Variants in ZNF700 observed in about 807,000 individuals in gnomAD.
ZNF700 encodes zinc finger protein 700.
Under a neutral mutation model 65.3 loss-of-function variants are expected in ZNF700, and 38 were observed. That is an observed-to-expected ratio of 0.58 (90% CI 0.45 to 0.76). The LOEUF (loss-of-function observed/expected upper bound fraction) is 0.76, where lower values mean the gene tolerates loss of function less well. Among genes scored for constraint, ZNF700 ranks in the 30% least tolerant of loss-of-function variants. The pLI, the probability that ZNF700 is intolerant of heterozygous loss-of-function variation, is 0.00. For synonymous variants in ZNF700, 285 were observed against 290.4 expected, an observed-to-expected ratio of 0.98 and a Z score of 0.19; for missense variants, 857 against 888.4, an observed-to-expected ratio of 0.96 and a Z score of 0.45.
chr19:11,944,469 A>G (rs141350851), intron 1 of ZNF700, among the ~76,000 whole-genome samples: 3,238 of 152,176 alleles, frequency 0.021, 61 homozygotes, highest in Middle Eastern at 0.044. Flanking sequence ...GTGATCCCCA[A>G]TACCTTTGCT....
intron 1 of ZNF700, among the ~76,000 whole-genome samples, chr19:11,937,301 A>G (rs951522941): frequency 6.6e-6 from 1 of 152,092 alleles, no homozygotes; most frequent in Non-Finnish European, 1.5e-5. Context: ...TTGCTAATCC[A>G]GGTGTTTCAG....
At chr19:11,927,376 A>C (rs1021438447) in intron 1 of ZNF700, among the ~76,000 whole-genome samples, 1 of 151,908 alleles carries the variant, frequency 6.6e-6, no homozygotes, top group African/African-American at 2.4e-5. Flanking sequence ...CAAACAGGAA[A>C]GAGGTCAAGA....
intron 1 of ZNF700, among the ~76,000 whole-genome samples, chr19:11,945,902 T>A (rs1352338875): frequency 6.6e-6 from 1 of 152,056 alleles, no homozygotes; most frequent in Non-Finnish European, 1.5e-5. Flanking sequence ...ATAGTACAAG[T>A]GCAGGGCAAG....
At position 11,949,391 on chromosome 19, in the gene ZNF700, G is replaced by T; in HGVS notation, c.1367G>T (p.Arg456Ile). 1 of 1,613,908 alleles carries T rather than the reference G, an allele frequency of 6.2e-7. No individual in the cohort carries two copies. The highest frequency in any genetic ancestry group is 1.7e-5 in the Admixed American group (1 of 59,982). Residue 456 changes from arginine to isoleucine, a missense_variant, in exon 4 of 4, where the codon AGA (arginine) becomes ATA (isoleucine). Around this residue, in one of 3 missense-constraint regions of ZNF700, gnomAD observed 603 missense variants for 619.9 expected, o/e 0.97. Coordinates refer to ENST00000254321, the MANE Select transcript of ZNF700 (RefSeq NM_144566.3). ...TGTAAGGAATGTGGGAAAGCCTTCAGATCTACCTCACACCTTCGAGTGCAT... is the reference window on the plus strand; with the variant it reads ...TGTAAGGAATGTGGGAAAGCCTTCATATCTACCTCACACCTTCGAGTGCAT... ...YECKECGKAF[R>I]STSHLRVHGR...
intron 1 of ZNF700, among the ~76,000 whole-genome samples, chr19:11,937,796 T>C (rs1458377170): frequency 1.3e-5 from 2 of 152,086 alleles, no homozygotes; most frequent in African/African-American, 2.4e-5. Flanking sequence ...CCTATAGATT[T>C]TTCTACGTTC....
At chr19:11,929,011 C>T (rs1031124736) in intron 1 of ZNF700, among the ~76,000 whole-genome samples, 4 of 148,042 alleles carry the variant, frequency 2.7e-5, no homozygotes, top group South Asian at 4.2e-4. Flanking sequence ...TTTTACAAAA[C>T]GCTATAGGTA....
At chr19:11,938,358 A>T (rs1340104483) in intron 1 of ZNF700, among the ~76,000 whole-genome samples, 1 of 152,088 alleles carries the variant, frequency 6.6e-6, no homozygotes, top group Non-Finnish European at 1.5e-5. Flanking sequence ...TACATTAGGT[A>T]TATCTCCTTA....
intron 1 of ZNF700, among the ~76,000 whole-genome samples, chr19:11,935,928 G>T (rs1972788841): frequency 6.6e-6 from 1 of 152,124 alleles, no homozygotes; most frequent in Non-Finnish European, 1.5e-5. Context: ...TCATTGTTCA[G>T]TTCCCACCTA....
In ZNF700 at chr19:11,937,152, C is replaced by T. The variant is rs145701474; in HGVS notation, c.64-10029C>T. On this transcript the variant is annotated intron_variant, in intron 1 of 3. Transcript: ENST00000254321. ...TGTGTTGTGTGTGAAACCTTATTGC[C>T]AAATCCAAGGTTGTCATGGTTTTCA... Among the ~76,000 whole-genome samples the T allele has an allele frequency of 1.8e-4, 27 of 152,298 alleles. No individual in the cohort carries two copies. The East Asian group carries it at 5.0e-3, about 28-fold the overall frequency.
At chr19:11,935,233 G>GTTTTTTT (rs1278688727) in intron 1 of ZNF700, among the ~76,000 whole-genome samples, 1 of 93,234 alleles carries the variant, frequency 1.1e-5, no homozygotes, top group African/African-American at 5.2e-5. Flanking sequence ...GAAAGATCTT[G>GTTTTTTT]TTTTTTTTTT....
intron 1 of ZNF700, among the ~76,000 whole-genome samples, chr19:11,941,863 T>C (rs1192943594): frequency 1.3e-5 from 2 of 152,216 alleles, no homozygotes. Context: ...CCTCTCAGTA[T>C]GTATATACTT....
intron 1 of ZNF700, among the ~76,000 whole-genome samples, chr19:11,928,753 A>G (rs1599277448): frequency 7.1e-6 from 1 of 140,072 alleles, no homozygotes; most frequent in South Asian, 2.2e-4. Flanking sequence ...AAAAAAAAAG[A>G]AAGTAGTCTC....
intron 1 of ZNF700, among the ~76,000 whole-genome samples, chr19:11,944,540 A>C (rs1420012148): frequency 2.0e-5 from 3 of 152,236 alleles, no homozygotes; most frequent in Non-Finnish European, 4.4e-5. Context: ...TCGTAAGGGC[A>C]GTTCAAACCT....
Position 11,948,563 on chromosome 19 carries a change from C to T in ZNF700, c.539C>T (p.Ser180Phe). 6.2e-7 allele frequency: 1 copy of T among 1,607,194 alleles called. No homozygotes were observed. Among genetic ancestry groups the T allele is most frequent in the Non-Finnish European group, 8.5e-7 (1 of 1,178,516 alleles). The change falls in exon 4 of 4, where the codon TCC becomes TTC. Residue 180 changes from serine (S) to phenylalanine (F), a missense_variant. Ser to Phe is a radical substitution (Grantham distance 155). This residue lies in a region of ZNF700 where 603 missense variants were observed against 619.9 expected (regional missense o/e 0.97). Transcript: ENST00000254321. ...KNKKAFRYRPSIRTQERDHTG... is the reference protein window; with the variant it reads ...KNKKAFRYRPFIRTQERDHTG... ...AAGAAAGCCTTCAGGTATCGCCCAT[C>T]CATTAGAACACAAGAAAGGGATCAC... is the stretch of plus-strand genomic sequence containing the variant.
intron 1 of ZNF700, among the ~76,000 whole-genome samples, chr19:11,934,672 G>C (rs781767034): frequency 4.1e-5 from 6 of 147,288 alleles, no homozygotes; most frequent in Admixed American, 6.7e-5. Context: ...GATTACAGGC[G>C]TGCGCTGCCT....
rs767743821 is a variant in ZNF700, at chr19:11,950,134, TATGA to T, written c.2114_2117del (p.Glu705ValfsTer115). ...AAGAACACACATTGGAGAGAAACACTATGAATGTAAGGAATGCGGAAAAGCATTC... is the reference window on the plus strand; with the variant it reads ...AAGAACACACATTGGAGAGAAACACTATGTAAGGAATGCGGAAAAGCATTC... On this transcript the variant is annotated frameshift_variant, in exon 4 of 4. Transcript: ENST00000254321. LOFTEE classifies it high-confidence loss of function. 2.9e-5 allele frequency: 46 copies of T among 1,614,016 alleles called. 1 individual carries two copies. In the Admixed American group the frequency reaches 7.7e-4, roughly 27 times the overall value.
Position 11,950,529 on chromosome 19 carries a change from T to A in ZNF700, c.*276T>A. The stretch of plus-strand genomic sequence containing the variant: ...AAGGACTTACACTGGAGTGAAACCC[T>A]ATGAATGTAAGCAATGTGGGAAAGC... On this transcript the variant is annotated 3_prime_UTR_variant, in exon 4 of 4. Transcript: ENST00000254321. 2 of 616,812 alleles carry A rather than the reference T, an allele frequency of 3.2e-6. No homozygotes were observed. Among genetic ancestry groups the A allele is most frequent in the Admixed American group, 4.6e-5 (2 of 43,724 alleles). 38.2% of individuals were successfully genotyped at this position (616,812 alleles called of 1,614,324 possible).
rs1010595214 is a variant in ZNF700, at chr19:11,929,439, G to A, written c.63+4166G>A. ...TGGCCTCCCAGAATGGTGGGATTAC[G>A]GGTGTGAACCACTGCGCCCGGCCTG... On this transcript the variant is annotated intron_variant, in intron 1 of 3. Coordinates refer to ENST00000254321, the MANE Select transcript of ZNF700 (RefSeq NM_144566.3). Among the ~76,000 whole-genome samples the A allele has an allele frequency of 4.2e-4, 63 of 148,338 alleles. 2 individuals are homozygous for A. The highest frequency in any genetic ancestry group is 5.6e-4 in the Non-Finnish European group (38 of 67,910).
At position 11,925,139 on chromosome 19, in the gene ZNF700, GT is replaced by G. The variant is rs542291152; in HGVS notation, c.-71del. 432 of 1,582,034 alleles carry G rather than the reference GT, an allele frequency of 2.7e-4. 2 individuals carry two copies. In the African/African-American group the frequency reaches 5.4e-3, roughly 20 times the overall value. On this transcript the variant is annotated 5_prime_UTR_variant, in exon 1 of 4. Transcript: ENST00000254321. ...TTCCTCGCTGCGCGGGCGGCGGTTG[GT>G]AACCGGTCAGACCAGCCCGAGAGGG...
Sources: gnomAD v4.1 joint callset for allele counts (sites outside exome capture counted in the v4.1 genomes callset) on GRCh38, gnomAD v4.1.1 for gene constraint, gnomAD v4.1.1 regional missense constraint, MANE v1.5 for transcripts, NCBI Gene and HGNC (gene_info 2026-07-23, HGNC 2026-07-21) for gene names.